The following NTN4 variants were observed in gnomAD, a reference collection of about 807,000 sequenced individuals.
The protein encoded by NTN4 is netrin-4.
NTN4 carries 32 observed loss-of-function variants against 73.6 expected under a neutral mutation model. That is an observed-to-expected ratio of 0.44 (90% CI 0.33 to 0.58). NTN4 has a LOEUF of 0.58. Ranked by LOEUF, NTN4 falls within the 20% of genes least tolerant of loss-of-function variation. The pLI is 0.04. For missense variants in NTN4, 654 were observed against 798.3 expected, an observed-to-expected ratio of 0.82 and a Z score of 2.18; for synonymous variants, 258 against 287.5, an observed-to-expected ratio of 0.90 and a Z score of 1.04.
intron 5 of NTN4, among the ~76,000 whole-genome samples, chr12:95,693,284 G>GTT (rs140914258): frequency 6.8e-5 from 10 of 147,750 alleles, no homozygotes; most frequent in Non-Finnish European, 7.5e-5. Context: ...TTGTAGATAT[G>GTT]TTTTTTTTTT....
chr12:95,749,355 C>T (rs1048257402), intron 2 of NTN4, among the ~76,000 whole-genome samples: 26 of 152,178 alleles, frequency 1.7e-4, no homozygotes, highest in Non-Finnish European at 2.4e-4. Context: ...TTCTTTGCTC[C>T]GTGAGAAAGA....
At chr12:95,780,165 AC>A (rs1447951317) in intron 2 of NTN4, among the ~76,000 whole-genome samples, 9 of 152,150 alleles carry the variant, frequency 5.9e-5, no homozygotes, top group African/African-American at 2.2e-4. Context: ...TGGATTAAAG[AC>A]TTAAATGTTA....
intron 3 of NTN4, among the ~76,000 whole-genome samples, chr12:95,735,201 T>C (rs575999883): frequency 6.6e-6 from 1 of 152,162 alleles, no homozygotes; most frequent in South Asian, 2.1e-4. Flanking sequence ...TTTCCAACCG[T>C]GGCTGCTATT....
In NTN4 at chr12:95,738,251, C is replaced by T. The variant is rs368965556; in HGVS notation, c.586-107G>A. ...ATTTATGCCTTATGTCATCTGTGAA[C>T]GATAAGATAACAAGAAGTTTTTAGA... On this transcript the variant is annotated intron_variant, in intron 2 of 9. Transcript: ENST00000343702. 7.9e-5 allele frequency: 85 copies of T among 1,078,120 alleles called. 1 individual carries two copies. In the Middle Eastern group the frequency reaches 1.3e-3, roughly 17 times the overall value. The allele number at this position is 1,078,120 out of a possible 1,614,324, so 66.8% of individuals were successfully genotyped here.
Position 95,682,057 on chromosome 12 carries a change from C to CT in NTN4, c.1510+649dup, listed in dbSNP as rs557973212. On this transcript the variant is annotated intron_variant, in intron 7 of 9. Coordinates refer to ENST00000343702, the MANE Select transcript of NTN4 (RefSeq NM_021229.4). Reference sequence around the variant, plus strand: ...TTCCAAACCTAATATATTCAGTAGGCTTTTTTTTTTTTTTTTTTTTTTTGA... The same window carrying CT: ...TTCCAAACCTAATATATTCAGTAGGCTTTTTTTTTTTTTTTTTTTTTTTTGA... Among the ~76,000 whole-genome samples the CT allele has an allele frequency of 2.4e-3, 154 of 64,528 alleles. 9 individuals are homozygous for CT. Among genetic ancestry groups the CT allele is most frequent in the Non-Finnish European group, 3.1e-3 (120 of 38,696 alleles). The allele number at this position is 64,528 out of a possible 152,430, so 42.3% of individuals were successfully genotyped here.
intron 5 of NTN4, among the ~76,000 whole-genome samples, chr12:95,686,062 TG>T (rs1344940403): frequency 1.3e-5 from 2 of 151,322 alleles, no homozygotes; most frequent in Non-Finnish European, 2.9e-5. Flanking sequence ...ATTTGTAATT[TG>T]TTATTTTTTT....
chr12:95,733,431 A>G (rs1249166572), intron 3 of NTN4, among the ~76,000 whole-genome samples: 1 of 152,254 alleles, frequency 6.6e-6, no homozygotes, highest in African/African-American at 2.4e-5. Context: ...GGAGAAGAGT[A>G]GAGGTAGCTG....
rs529384634 is a variant in NTN4 at position 95,789,305 on chromosome 12, G to A, written c.55+950C>T. Among the ~76,000 whole-genome samples, 20 of 152,184 alleles carry A rather than the reference G, an allele frequency of 1.3e-4. No individual in the cohort carries two copies. The highest frequency in any genetic ancestry group is 2.8e-4 in the Non-Finnish European group (19 of 68,026). On this transcript the variant is annotated intron_variant, in intron 1 of 9. Transcript: ENST00000343702. The surrounding 1 kb of genome is among the most constrained non-coding windows in gnomAD (Gnocchi z 4.0). The stretch of plus-strand genomic sequence containing the variant: ...GAGATGCGTGCTACAATGTTCTGTA[G>A]CCACCAGCGCATCCCTCTAGCCCAG...
At chr12:95,722,408 T>C (rs1182907077) in intron 3 of NTN4, among the ~76,000 whole-genome samples, 1 of 151,158 alleles carries the variant, frequency 6.6e-6, no homozygotes, top group Non-Finnish European at 1.5e-5. Context: ...GGTGGATGGC[T>C]TCCACTCATA....
intron 3 of NTN4, among the ~76,000 whole-genome samples, chr12:95,736,271 T>C (rs550717438): frequency 6.6e-6 from 1 of 152,186 alleles, no homozygotes; most frequent in African/African-American, 2.4e-5. Context: ...TTGAGAACTC[T>C]GGCACTTTGT....
intron 7 of NTN4, chr12:95,673,629 A>G (rs1345333152): frequency 1.4e-3 from 3 of 2,076 alleles, no homozygotes; most frequent in Non-Finnish European, 1.8e-3. Flanking sequence ...TTACTTTTAT[A>G]AAAAAAAAAA....
At chr12:95,739,757 CCTT>C (rs1417592742) in intron 2 of NTN4, 4 of 152,204 alleles carry the variant, frequency 2.6e-5, no homozygotes, top group African/African-American at 9.7e-5. Context: ...TCTGTGGTGT[CCTT>C]CTCCTCGTTA....
At chr12:95,751,208 G>T (rs1174222774) in intron 2 of NTN4, among the ~76,000 whole-genome samples, 1 of 149,226 alleles carries the variant, frequency 6.7e-6, no homozygotes, top group Non-Finnish European at 1.5e-5. Flanking sequence ...AATTAACCTC[G>T]CCTTCAAGGT....
At chr12:95,731,775 G>A (rs1267410553) in intron 3 of NTN4, among the ~76,000 whole-genome samples, 5 of 151,964 alleles carry the variant, frequency 3.3e-5, no homozygotes, top group Non-Finnish European at 7.4e-5. Flanking sequence ...CTTTCACAGT[G>A]CAACACCAAC....
At chr12:95,761,829 A>G (rs1393795991) in intron 2 of NTN4, among the ~76,000 whole-genome samples, 1 of 152,100 alleles carries the variant, frequency 6.6e-6, no homozygotes, top group African/African-American at 2.4e-5. Flanking sequence ...TTTTTCTTTT[A>G]TCCCCCTCTT....
intron 5 of NTN4, among the ~76,000 whole-genome samples, chr12:95,701,971 G>A (rs1275544529): frequency 2.0e-5 from 3 of 152,060 alleles, no homozygotes; most frequent in African/African-American, 7.2e-5. Context: ...CATTAAAAAT[G>A]ACTGAGATTA....
At chr12:95,765,537 C>T (rs1000570059) in intron 2 of NTN4, among the ~76,000 whole-genome samples, 2 of 152,190 alleles carry the variant, frequency 1.3e-5, no homozygotes, top group East Asian at 1.9e-4. Flanking sequence ...TAACTTACGA[C>T]TGGGTTGTGC....
At chr12:95,787,534 T>C in intron 1 of NTN4, 66 bp from the exon 2 acceptor site, 6 of 1,503,838 alleles carry the variant, frequency 4.0e-6, no homozygotes, top group East Asian at 4.5e-5. Flanking sequence ...GGCCACCTAG[T>C]CCATCAACAA....
chr12:95,709,576 C>G (rs1256702067), intron 5 of NTN4, among the ~76,000 whole-genome samples: 1 of 140,642 alleles, frequency 7.1e-6, no homozygotes, highest in Admixed American at 7.6e-5. Flanking sequence ...CTCTATTGCT[C>G]AGGCTGGAGT....
Sources: gnomAD v4.1 joint callset for allele counts (sites outside exome capture counted in the v4.1 genomes callset) on GRCh38, gnomAD v4.1.1 for gene constraint, Gnocchi (gnomAD v3.1) non-coding constraint, MANE v1.5 for transcripts, NCBI Gene and HGNC (gene_info 2026-07-23, HGNC 2026-07-21) for gene names.